The following ASTN2 variants were observed in gnomAD, a reference collection of about 807,000 sequenced individuals.
The protein encoded by ASTN2 is astrotactin 2.
ASTN2 carries 54 observed loss-of-function variants against 139.8 expected under a neutral mutation model. That is an observed-to-expected ratio of 0.39 (90% CI 0.31 to 0.48). ASTN2 has a LOEUF of 0.48. Ranked by LOEUF, ASTN2 falls within the 20% of genes least tolerant of loss-of-function variation. The pLI, the probability that ASTN2 is intolerant of heterozygous loss-of-function variation, is 0.95. For synonymous variants in ASTN2, 756 were observed against 719.5 expected (o/e 1.05, Z -0.81); for missense variants, 1,565 against 1,725.1 (o/e 0.91, Z 1.64).
At chr9:116,895,069 G>C (rs371989667) in intron 10 of ASTN2, among the ~76,000 whole-genome samples, 1 of 152,266 alleles carries the variant, frequency 6.6e-6, no homozygotes, top group East Asian at 1.9e-4. Context: ...TGTACAGATT[G>C]AGCATCCCTA....
At chr9:117,096,805 T>G (rs1412487119) in intron 4 of ASTN2, among the ~76,000 whole-genome samples, 1 of 152,102 alleles carries the variant, frequency 6.6e-6, no homozygotes, top group Non-Finnish European at 1.5e-5. Context: ...GAGCGAAGAT[T>G]TAAGTCAGGT....
chr9:116,497,824 A>G (rs1849717139), intron 19 of ASTN2, among the ~76,000 whole-genome samples: 1 of 152,144 alleles, frequency 6.6e-6, no homozygotes, highest in South Asian at 2.1e-4. Context: ...TCATCCATGG[A>G]GGGTTTTCTT....
chr9:117,057,667 CAT>C, intron 5 of ASTN2, among the ~76,000 whole-genome samples: 1 of 152,182 alleles, frequency 6.6e-6, no homozygotes. Context: ...CCCTGGGAAT[CAT>C]AACTATGATT....
chr9:116,935,856 C>T (rs1353957267), intron 10 of ASTN2, among the ~76,000 whole-genome samples: 2 of 152,112 alleles, frequency 1.3e-5, no homozygotes, highest in African/African-American at 4.8e-5. Context: ...TCACACTTTA[C>T]CATCTCAGCC....
chr9:116,862,439 G>A (rs940075785), intron 11 of ASTN2, among the ~76,000 whole-genome samples: 3 of 152,170 alleles, frequency 2.0e-5, no homozygotes, highest in Admixed American at 1.3e-4. Context: ...ATAAAGCTAA[G>A]TACAGCATAC....
intron 1 of ASTN2, among the ~76,000 whole-genome samples, chr9:117,360,305 G>C (rs1277476385): frequency 6.6e-6 from 1 of 152,180 alleles, no homozygotes; most frequent in Admixed American, 6.5e-5. Flanking sequence ...AATAGGTAAT[G>C]AGGGTGAAGT....
chr9:116,451,767 C>A (rs1424812021), intron 20 of ASTN2, among the ~76,000 whole-genome samples: 8 of 152,022 alleles, frequency 5.3e-5, no homozygotes, highest in Admixed American at 2.0e-4. Flanking sequence ...TTGCCCTCTC[C>A]ATTCTGAAAG....
chr9:116,485,686 C>T (rs183071733), intron 20 of ASTN2, among the ~76,000 whole-genome samples: 90 of 152,326 alleles, frequency 5.9e-4, no homozygotes, highest in African/African-American at 2.0e-3. Context: ...CACTGGAAGA[C>T]GTGGAATTGC....
At chr9:116,647,366 C>T (rs1293180415) in intron 17 of ASTN2, among the ~76,000 whole-genome samples, 4 of 152,200 alleles carry the variant, frequency 2.6e-5, no homozygotes, top group Non-Finnish European at 5.9e-5. Flanking sequence ...ATGACTAGCA[C>T]TTCCAGCTCT....
chr9:116,892,861 T>C (rs1360256200), intron 10 of ASTN2, among the ~76,000 whole-genome samples: 1 of 152,176 alleles, frequency 6.6e-6, no homozygotes, highest in Non-Finnish European at 1.5e-5. Flanking sequence ...ATTTGGATTT[T>C]AAACAGCAAA....
intron 6 of ASTN2, 53 bp downstream of exon 6, chr9:117,039,766 A>G: frequency 6.4e-7 from 1 of 1,562,802 alleles, no homozygotes; most frequent in Non-Finnish European, 8.7e-7. Flanking sequence ...TTGACCAGTC[A>G]GGGGTGCAAG....
intron 5 of ASTN2, among the ~76,000 whole-genome samples, chr9:117,083,866 AGAG>A (rs1453418591): frequency 6.6e-6 from 1 of 152,136 alleles, no homozygotes; most frequent in Non-Finnish European, 1.5e-5. Flanking sequence ...TTGCACAGGA[AGAG>A]GAGTACAGAG....
At chr9:117,111,964 A>G (rs941442222) in intron 4 of ASTN2, among the ~76,000 whole-genome samples, 1 of 152,096 alleles carries the variant, frequency 6.6e-6, no homozygotes, top group Admixed American at 6.5e-5. Flanking sequence ...AATGGTAAAT[A>G]TACAAAAGTT....
At chr9:117,307,353 C>T (rs115104915) in intron 1 of ASTN2, among the ~76,000 whole-genome samples, 38 of 152,308 alleles carry the variant, frequency 2.5e-4, no homozygotes, top group African/African-American at 9.1e-4. Flanking sequence ...GAAGGTTTTG[C>T]ATGTAAAACC....
intron 16 of ASTN2, among the ~76,000 whole-genome samples, chr9:116,657,134 A>C (rs1397745521): frequency 6.6e-6 from 1 of 152,194 alleles, no homozygotes; most frequent in African/African-American, 2.4e-5. Flanking sequence ...TCAAGGACCC[A>C]CACAAATATC....
chr9:117,271,056 G>A (rs2133124780), intron 2 of ASTN2, among the ~76,000 whole-genome samples: 1 of 152,240 alleles, frequency 6.6e-6, no homozygotes, highest in African/African-American at 2.4e-5. Context: ...GCGGCTACTA[G>A]CACAGACCTG....
At chr9:117,280,142 T>C (rs1473941858) in intron 2 of ASTN2, among the ~76,000 whole-genome samples, 1 of 152,216 alleles carries the variant, frequency 6.6e-6, no homozygotes, top group Non-Finnish European at 1.5e-5. Context: ...AGAATGCCCA[T>C]CATTGGGTTT....
intron 20 of ASTN2, among the ~76,000 whole-genome samples, chr9:116,480,585 T>C (rs997934060): frequency 6.6e-6 from 1 of 152,192 alleles, no homozygotes; most frequent in African/African-American, 2.4e-5. Flanking sequence ...AGAGACTAAA[T>C]CATTACAGTA....
chr9:116,520,666 A>G (rs757583447), intron 19 of ASTN2, among the ~76,000 whole-genome samples: 1 of 152,164 alleles, frequency 6.6e-6, no homozygotes, highest in Admixed American at 6.6e-5. Flanking sequence ...ATCAGACAAG[A>G]GAAAGAAATA....
Sources: gnomAD v4.1 joint callset for allele counts (sites outside exome capture counted in the v4.1 genomes callset) on GRCh38, gnomAD v4.1.1 for gene constraint, MANE v1.5 for transcripts, NCBI Gene and HGNC (gene_info 2026-07-23, HGNC 2026-07-21) for gene names.